LRMDA: variants seen among roughly 807,000 people sequenced by gnomAD.
LRMDA encodes the protein leucine rich melanocyte differentiation associated, also known as leucine-rich melanocyte differentiation-associated protein.
A neutral mutation model predicts 29.8 loss-of-function variants in LRMDA; 18 were observed. The observed-to-expected ratio is 0.60, with a 90% CI of 0.42 to 0.90. LRMDA has a LOEUF of 0.90. LRMDA is among the 40% of genes least tolerant of loss of function. The pLI is 0.00. For missense variants in LRMDA, 273 were observed against 273.9 expected, an observed-to-expected ratio of 1.00 and a Z score of 0.02; for synonymous variants, 125 against 109.4, an observed-to-expected ratio of 1.14 and a Z score of -0.89.
At chr10:76,282,009 G>A (rs1271211876) in intron 5 of LRMDA, among the ~76,000 whole-genome samples, 1 of 152,090 alleles carries the variant, frequency 6.6e-6, no homozygotes, top group East Asian at 1.9e-4. Context: ...TTTGGTGAAA[G>A]AAATGCATAT....
rs182938835 is a variant in LRMDA at position 75,566,292 on chromosome 10, C to T, written c.131+127798C>T. Reference sequence around the variant, plus strand: ...ACTTCCTGAAAGAGTTATGTCCACTCGTGTTCTTCACATGCTCACCTCCCA... The same window carrying T: ...ACTTCCTGAAAGAGTTATGTCCACTTGTGTTCTTCACATGCTCACCTCCCA... On this transcript the variant is annotated intron_variant, in intron 2 of 6. Coordinates refer to ENST00000611255, the MANE Select transcript of LRMDA (RefSeq NM_001305581.2). Among the ~76,000 whole-genome samples, 37 of 152,266 alleles carry T rather than the reference C, an allele frequency of 2.4e-4. No individual in the cohort carries two copies. The East Asian group carries it at 4.4e-3, about 18-fold the overall frequency.
intron 5 of LRMDA, among the ~76,000 whole-genome samples, chr10:76,098,215 T>G (rs1849343353): frequency 6.6e-6 from 1 of 152,210 alleles, no homozygotes; most frequent in South Asian, 2.1e-4. Context: ...GAAGCATTTG[T>G]GTAGAATTTG....
At chr10:76,186,486 C>T (rs150179358) in intron 5 of LRMDA, among the ~76,000 whole-genome samples, 1 of 152,194 alleles carries the variant, frequency 6.6e-6, no homozygotes, top group African/African-American at 2.4e-5. Flanking sequence ...CTAAAAAATG[C>T]CCTGGTCCTC....
rs371569122 is a variant in LRMDA, at chr10:76,249,476, C to G, written c.517-74925C>G. Among the ~76,000 whole-genome samples the G allele has an allele frequency of 2.0e-3, 305 of 152,250 alleles. 2 individuals carry two copies. Among genetic ancestry groups the G allele is most frequent in the African/African-American group, 6.6e-3 (275 of 41,542 alleles). ...GACCTTCTGCAGAACTCCGATGGCA[C>G]CCATGAAGGAAGAGGAATCCACTCT... is the stretch of plus-strand genomic sequence containing the variant. On this transcript the variant is annotated intron_variant, in intron 5 of 6. Transcript: ENST00000611255.
Position 76,017,405 on chromosome 10 carries a change from A to G in LRMDA, c.132-18603A>G, listed in dbSNP as rs374597806. ...TGATACCTTGATTTCAGCTTTGTCC[A>G]CTCTAGGAATGTGAGACAAATTTAT... On this transcript the variant is annotated intron_variant, in intron 2 of 6. Coordinates refer to ENST00000611255, the MANE Select transcript of LRMDA (RefSeq NM_001305581.2). 4.6e-5 allele frequency among the ~76,000 whole-genome samples: 7 copies of G among 152,190 alleles called. No homozygotes were observed. The East Asian group carries it at 7.8e-4, about 17-fold the overall frequency.
chr10:76,112,269 G>A (rs1292619474), intron 5 of LRMDA, among the ~76,000 whole-genome samples: 1 of 152,194 alleles, frequency 6.6e-6, no homozygotes, highest in African/African-American at 2.4e-5. Context: ...TGGGTGGGGG[G>A]TTCATTCAGC....
intron 2 of LRMDA, among the ~76,000 whole-genome samples, chr10:75,455,711 A>G (rs1251381317): frequency 6.6e-6 from 1 of 152,216 alleles, no homozygotes; most frequent in Non-Finnish European, 1.5e-5. Context: ...ACAGGATAGC[A>G]CAGTCCAATT....
At chr10:75,944,315 T>G (rs1846442790) in intron 2 of LRMDA, among the ~76,000 whole-genome samples, 1 of 152,134 alleles carries the variant, frequency 6.6e-6, no homozygotes, top group South Asian at 2.1e-4. Context: ...TCATTTTTCT[T>G]TGCTTTTAAT....
In LRMDA at chr10:76,557,670, G is replaced by GAGAA; in HGVS notation, c.*386_*389dup. 1 of 220,378 alleles carries GAGAA rather than the reference G, an allele frequency of 4.5e-6. No individual in the cohort carries two copies. The highest frequency in any genetic ancestry group is 9.0e-6 in the Non-Finnish European group (1 of 110,636). The allele number at this position is 220,378 out of a possible 1,614,324, so 13.7% of individuals were successfully genotyped here. On this transcript the variant is annotated 3_prime_UTR_variant, in exon 7 of 7. Transcript: ENST00000611255. ...ACATGCTCAGTGGCTGCAGTCAAGT[G>GAGAA]AGAAAGACTGTCCTCAGCTCGCCTA...
At chr10:76,556,873 C>T (rs1235255954) in intron 6 of LRMDA, among the ~76,000 whole-genome samples, 20 of 152,118 alleles carry the variant, frequency 1.3e-4, no homozygotes, top group Admixed American at 1.3e-3. Context: ...CTTTGAAACT[C>T]TACTAAGGGA....
At chr10:75,971,988 A>G (rs975302994) in intron 2 of LRMDA, among the ~76,000 whole-genome samples, 35 of 152,214 alleles carry the variant, frequency 2.3e-4, no homozygotes, top group African/African-American at 8.2e-4. Flanking sequence ...TTCATATTTC[A>G]GATGTCAAAG....
At chr10:75,503,272 C>A (rs1353580724) in intron 2 of LRMDA, among the ~76,000 whole-genome samples, 1 of 151,850 alleles carries the variant, frequency 6.6e-6, no homozygotes, top group Non-Finnish European at 1.5e-5. Flanking sequence ...AGCCAGCTGA[C>A]TTTTAGGGAA....
chr10:75,481,223 A>G (rs1364327779), intron 2 of LRMDA, among the ~76,000 whole-genome samples: 1 of 152,110 alleles, frequency 6.6e-6, no homozygotes, highest in Non-Finnish European at 1.5e-5. Flanking sequence ...TGGGTGGGGC[A>G]GTTTAGCGTG....
At chr10:75,998,837 T>C (rs1024358591) in intron 2 of LRMDA, among the ~76,000 whole-genome samples, 4 of 152,178 alleles carry the variant, frequency 2.6e-5, no homozygotes, top group African/African-American at 9.7e-5. Flanking sequence ...TCTCTTGAGT[T>C]AATAATGTAT....
rs1840385811 is a variant in LRMDA, at chr10:76,294,257, C to CT, written c.517-30139dup. Among the ~76,000 whole-genome samples the CT allele has an allele frequency of 2.0e-5, 3 of 152,170 alleles. No individual in the cohort carries two copies. The South Asian group carries it at 6.2e-4, about 32-fold the overall frequency. On this transcript the variant is annotated intron_variant, in intron 5 of 6. Coordinates refer to ENST00000611255, the MANE Select transcript of LRMDA (RefSeq NM_001305581.2). Reference sequence around the variant, plus strand: ...TTCACTTGGATAGTTCTTAGTTTCTCTTTTTAAATTTCTTGATTAAGCTGA... The same window carrying CT: ...TTCACTTGGATAGTTCTTAGTTTCTCTTTTTTAAATTTCTTGATTAAGCTGA...
At chr10:75,599,059 TG>T (rs1840845155) in intron 2 of LRMDA, among the ~76,000 whole-genome samples, 1 of 151,668 alleles carries the variant, frequency 6.6e-6, no homozygotes, top group African/African-American at 2.4e-5. Flanking sequence ...GGGATGGAAA[TG>T]GGAAGGTGAC....
intron 2 of LRMDA, among the ~76,000 whole-genome samples, chr10:75,699,390 A>G (rs1842278130): frequency 6.6e-6 from 1 of 152,234 alleles, no homozygotes; most frequent in Non-Finnish European, 1.5e-5. Context: ...TGTGAGCTCA[A>G]TGCTGAAAAC....
intron 6 of LRMDA, among the ~76,000 whole-genome samples, chr10:76,542,706 C>T (rs1843371498): frequency 6.6e-6 from 1 of 152,168 alleles, no homozygotes; most frequent in African/African-American, 2.4e-5. Context: ...GGAGTATCAG[C>T]CAGGCAAGGA....
At chr10:75,760,603 C>G (rs1445931825) in intron 2 of LRMDA, among the ~76,000 whole-genome samples, 2 of 152,204 alleles carry the variant, frequency 1.3e-5, no homozygotes, top group Non-Finnish European at 2.9e-5. Flanking sequence ...TCCCCTGCCC[C>G]TGTCCCCATA....
Sources: gnomAD v4.1 joint callset for allele counts (sites outside exome capture counted in the v4.1 genomes callset) on GRCh38, gnomAD v4.1.1 for gene constraint, MANE v1.5 for transcripts, NCBI Gene and HGNC (gene_info 2026-07-23, HGNC 2026-07-21) for gene names.